The following CSGALNACT1 variants were observed in gnomAD, a reference collection of about 807,000 sequenced individuals.
The protein encoded by CSGALNACT1 is chondroitin sulfate N-acetylgalactosaminyltransferase 1, also known as beta4GalNAcT-1.
Under a neutral mutation model 51.0 loss-of-function variants are expected in CSGALNACT1, and 52 were observed. The observed-to-expected ratio is 1.02, with a 90% CI of 0.82 to 1.29. CSGALNACT1 has a LOEUF of 1.29. Ranked by LOEUF, CSGALNACT1 falls within the 50% of genes most tolerant of loss-of-function variation. The pLI, the probability that CSGALNACT1 is intolerant of heterozygous loss-of-function variation, is 0.00. For missense variants in CSGALNACT1, 935 were observed against 679.2 expected, an observed-to-expected ratio of 1.38 and a Z score of -4.19; for synonymous variants, 341 against 254.4, an observed-to-expected ratio of 1.34 and a Z score of -3.24.
chr8:19,669,828 A>C (rs1482984474), intron 1 of CSGALNACT1, among the ~76,000 whole-genome samples: 1 of 152,150 alleles, frequency 6.6e-6, no homozygotes, highest in East Asian at 1.9e-4. Context: ...ATTAATTTGC[A>C]TGCTGAAAAC....
chr8:19,509,079 T>C (rs552899579), intron 3 of CSGALNACT1, among the ~76,000 whole-genome samples: 5 of 152,344 alleles, frequency 3.3e-5, no homozygotes, highest in African/African-American at 1.2e-4. Context: ...GAGGCAGCAA[T>C]GAATTTTTCC....
At chr8:19,517,253 C>G (rs1354361800) in intron 3 of CSGALNACT1, among the ~76,000 whole-genome samples, 5 of 152,014 alleles carry the variant, frequency 3.3e-5, no homozygotes, top group Non-Finnish European at 7.4e-5. Context: ...GCAGCCTGAC[C>G]AACATGGAGA....
At chr8:19,726,615 TA>T (rs1409957434) in intron 1 of CSGALNACT1, among the ~76,000 whole-genome samples, 1 of 152,128 alleles carries the variant, frequency 6.6e-6, no homozygotes, top group Non-Finnish European at 1.5e-5. Context: ...TCTCAGCAAT[TA>T]AAAAAGATAC....
intron 1 of CSGALNACT1, among the ~76,000 whole-genome samples, chr8:19,620,430 C>CT (rs35123924): frequency 0.036 from 5,131 of 141,902 alleles, 309 homozygotes; most frequent in African/African-American, 0.12. Flanking sequence ...GGAAAAGAAT[C>CT]TTTTTTTTTT....
At chr8:19,522,460 C>T (rs1202118334) in intron 3 of CSGALNACT1, among the ~76,000 whole-genome samples, 1 of 152,148 alleles carries the variant, frequency 6.6e-6, no homozygotes, top group Non-Finnish European at 1.5e-5. Context: ...CTCTAAAATG[C>T]CATTTAAACT....
At chr8:19,408,911 C>A (rs1183214168) in intron 8 of CSGALNACT1, among the ~76,000 whole-genome samples, 2 of 147,132 alleles carry the variant, frequency 1.4e-5, no homozygotes, top group African/African-American at 5.0e-5. Flanking sequence ...TGATTTTTGG[C>A]ACCTCTGGCT....
At chr8:19,695,351 T>G (rs1477716017) in intron 1 of CSGALNACT1, among the ~76,000 whole-genome samples, 1 of 152,152 alleles carries the variant, frequency 6.6e-6, no homozygotes, top group Non-Finnish European at 1.5e-5. Context: ...ATAACTCAAA[T>G]AGCAAATTTT....
Position 19,681,910 on chromosome 8 carries a change from G to A in CSGALNACT1, c.-544+563C>T, listed in dbSNP as rs561936904. On this transcript the variant is annotated intron_variant, in intron 1 of 9. Coordinates refer to the CSGALNACT1 transcript ENST00000332246. ...CCCCACCTTCTGGGTCACACTCCAGGTCTCCCTGGGCCTGCTGCTTTACCT... is the reference window on the plus strand; with the variant it reads ...CCCCACCTTCTGGGTCACACTCCAGATCTCCCTGGGCCTGCTGCTTTACCT... Among the ~76,000 whole-genome samples the A allele has an allele frequency of 3.3e-5, 5 of 152,302 alleles. No homozygotes were observed. In the East Asian group the frequency reaches 9.7e-4, roughly 29 times the overall value.
chr8:19,656,603 C>T (rs916806908), intron 1 of CSGALNACT1, among the ~76,000 whole-genome samples: 16 of 37,116 alleles, frequency 4.3e-4, no homozygotes, highest in Admixed American at 1.8e-3. Flanking sequence ...CCCCCCCCCA[C>T]ACACACACAC....
rs183518851 is a variant in CSGALNACT1 at position 19,415,948 on chromosome 8, T to C, written c.1227+2708A>G. On this transcript the variant is annotated intron_variant, in intron 8 of 9. Transcript: ENST00000454498. ...ACAATGGTATTTGTGTATCTGAACA[T>C]AGAAAAGGTACAGGAAAAATCTGAT... is the stretch of plus-strand genomic sequence containing the variant. Among the ~76,000 whole-genome samples the C allele has an allele frequency of 2.4e-4, 37 of 152,262 alleles. No individual in the cohort carries two copies. In the East Asian group the frequency reaches 6.6e-3, roughly 27 times the overall value.
At chr8:19,565,374 A>G (rs899456864) in intron 3 of CSGALNACT1, among the ~76,000 whole-genome samples, 6 of 152,226 alleles carry the variant, frequency 3.9e-5, no homozygotes, top group African/African-American at 1.2e-4. Flanking sequence ...AGGACTGCCT[A>G]CTTGGCAGAC....
At chr8:19,454,695 C>T (rs1473545312) in intron 5 of CSGALNACT1, among the ~76,000 whole-genome samples, 1 of 151,644 alleles carries the variant, frequency 6.6e-6, no homozygotes, top group Non-Finnish European at 1.5e-5. Context: ...TGATTGCTAA[C>T]AAAAATCAGA....
At chr8:19,667,007 GAAA>G (rs1449642541) in intron 1 of CSGALNACT1, among the ~76,000 whole-genome samples, 982 of 31,570 alleles carry the variant, frequency 0.031, 86 homozygotes, top group South Asian at 0.045. Flanking sequence ...AAGAAAGAAA[GAAA>G]GAAAGAAAGG....
At chr8:19,466,923 G>A (rs1168138226) in intron 4 of CSGALNACT1, among the ~76,000 whole-genome samples, 5 of 152,092 alleles carry the variant, frequency 3.3e-5, no homozygotes, top group African/African-American at 1.2e-4. Flanking sequence ...TAGTTGCAGC[G>A]ACTGGTAGAC....
Position 19,418,853 on chromosome 8 carries a change from CTT to C in CSGALNACT1, c.1133-105_1133-104del, listed in dbSNP as rs551173143. The C allele has an allele frequency of 3.6e-3, 2,803 of 773,332 alleles. 23 individuals are homozygous for C. Among genetic ancestry groups the C allele is most frequent in the Middle Eastern group, 0.021 (73 of 3,514 alleles). 47.9% of individuals were successfully genotyped at this position (773,332 alleles called of 1,614,324 possible). ...GAAACACCCCAGATATTTGCACCCACTTTTTTTTTCTTTGAGAGGCAGTCTCA... is the reference window on the plus strand; with the variant it reads ...GAAACACCCCAGATATTTGCACCCACTTTTTTTCTTTGAGAGGCAGTCTCA... On this transcript the variant is annotated intron_variant, in intron 7 of 9. Coordinates refer to ENST00000454498, the Ensembl canonical transcript of CSGALNACT1.
intron 1 of CSGALNACT1, among the ~76,000 whole-genome samples, chr8:19,700,644 G>A (rs1403257251): frequency 6.6e-6 from 1 of 152,072 alleles, no homozygotes; most frequent in Non-Finnish European, 1.5e-5. Context: ...GAAAACATCC[G>A]ATGTTCCTAT....
intron 9 of CSGALNACT1, 114 bp downstream of exon 8, chr8:19,408,494 TTTTGA>T: frequency 4.5e-6 from 2 of 444,922 alleles, no homozygotes; most frequent in Non-Finnish European, 8.0e-6. Flanking sequence ...TTTTTTTTTT[TTTTGA>T]AGGCAATGGT....
chr8:19,560,419 T>C (rs1395983903), intron 3 of CSGALNACT1, among the ~76,000 whole-genome samples: 1 of 152,122 alleles, frequency 6.6e-6, no homozygotes, highest in Non-Finnish European at 1.5e-5. Context: ...AACTTTCTGT[T>C]TATTAAGAAC....
At chr8:19,718,774 G>C (rs1432326654) in intron 1 of CSGALNACT1, among the ~76,000 whole-genome samples, 24 of 152,108 alleles carry the variant, frequency 1.6e-4, no homozygotes, top group East Asian at 3.9e-4. Context: ...TGGCCAAACA[G>C]GACTTATTTG....
Sources: allele counts gnomAD v4.1 joint callset (sites outside exome capture counted in the v4.1 genomes callset), GRCh38; gene constraint gnomAD v4.1.1; transcripts MANE v1.5; gene names NCBI Gene and HGNC (gene_info 2026-07-23, HGNC 2026-07-21).